Variants in INO80D observed in about 807,000 individuals in gnomAD.
INO80D encodes the protein INO80 complex subunit D.
INO80D carries 21 observed loss-of-function variants against 87.6 expected under a neutral mutation model. The observed-to-expected ratio is 0.24, with a 90% CI of 0.17 to 0.35. INO80D has a LOEUF of 0.35. Among genes scored for constraint, INO80D ranks in the 10% least tolerant of loss-of-function variants. INO80D has a pLI of 1.00. For missense variants in INO80D, 982 were observed against 1,280.7 expected (o/e 0.77, Z 3.56); for synonymous variants, 440 against 491.0 (o/e 0.90, Z 1.37).
chr2:206,076,076 T>C (rs1288007912), intron 1 of INO80D, among the ~76,000 whole-genome samples: 1 of 146,044 alleles, frequency 6.8e-6, no homozygotes, highest in Non-Finnish European at 1.5e-5. Flanking sequence ...AAACCTAGTG[T>C]GAGGCTGGGC....
At chr2:206,030,086 A>G (rs1688721125) in intron 5 of INO80D, among the ~76,000 whole-genome samples, 1 of 152,226 alleles carries the variant, frequency 6.6e-6, no homozygotes, top group South Asian at 2.1e-4. Context: ...TCGTAGAGCT[A>G]GCAAATGTGA....
chr2:206,035,160 A>G (rs1032068764), intron 5 of INO80D, among the ~76,000 whole-genome samples: 1 of 152,172 alleles, frequency 6.6e-6, no homozygotes, highest in African/African-American at 2.4e-5. Flanking sequence ...GAAAATGACC[A>G]TACTGCCAAA....
At chr2:206,009,062 C>T (rs1688100903) in intron 9 of INO80D, among the ~76,000 whole-genome samples, 2 of 152,206 alleles carry the variant, frequency 1.3e-5, no homozygotes, top group South Asian at 4.1e-4. Flanking sequence ...GTATTCCCAG[C>T]ACTTTGGGAG....
At chr2:206,033,080 C>G (rs1255480973) in intron 5 of INO80D, among the ~76,000 whole-genome samples, 1 of 152,158 alleles carries the variant, frequency 6.6e-6, no homozygotes, top group Non-Finnish European at 1.5e-5. Context: ...TATCTGCTGC[C>G]TTCAGGAGAC....
chr2:206,063,429 C>T lies in INO80D; in HGVS notation c.-123-185G>A, dbSNP rs184467052. The T allele has an allele frequency of 1.8e-3, 393 of 216,572 alleles. 5 individuals carry two copies. Among genetic ancestry groups the T allele is most frequent in the African/African-American group, 8.2e-3 (352 of 42,896 alleles). The allele number at this position is 216,572 out of a possible 1,614,324, so 13.4% of individuals were successfully genotyped here. On this transcript the variant is annotated intron_variant, in intron 1 of 10. Transcript: ENST00000403263. ...ATAAAACATTAAGTTGGCTGGGCGC[C>T]GTGGCTCACGCCTGTAATCCCAGCA...
chr2:206,058,278 G>T (rs1483068915), intron 3 of INO80D, among the ~76,000 whole-genome samples: 2 of 151,834 alleles, frequency 1.3e-5, no homozygotes, highest in Non-Finnish European at 1.5e-5. Context: ...AATTAGCCGG[G>T]CGTGGTGGCA....
At chr2:206,018,238 T>G (rs1688369966) in intron 7 of INO80D, among the ~76,000 whole-genome samples, 1 of 152,174 alleles carries the variant, frequency 6.6e-6, no homozygotes. Context: ...CCTCCCGGGT[T>G]CAAGCAAGTG....
Position 206,000,005 on chromosome 2 carries a change from G to GA in INO80D, c.*4362dup, listed in dbSNP as rs1014423604. ...TCCCGAGAAATATATTTTTTGTCAG[G>GA]AAAAAAATCCTTGGAACAATGTAAA... On this transcript the variant is annotated 3_prime_UTR_variant, in exon 11 of 11. Transcript: ENST00000403263. 5 of 151,396 alleles carry GA rather than the reference G, an allele frequency of 3.3e-5. No individual in the cohort carries two copies. The highest frequency in any genetic ancestry group is 2.1e-4 in the South Asian group (1 of 4,750). 9.4% of individuals were successfully genotyped at this position (151,396 alleles called of 1,614,324 possible).
intron 8 of INO80D, among the ~76,000 whole-genome samples, chr2:206,014,223 C>T (rs1688259154): frequency 2.0e-5 from 3 of 150,936 alleles, no homozygotes. Flanking sequence ...AATAATTATT[C>T]AACATTTGTA....
At position 206,017,781 on chromosome 2, in the gene INO80D, A is replaced by T; in HGVS notation, c.1441T>A (p.Ser481Thr). The change falls in exon 8 of 11, where the codon TCA (serine) becomes ACA (threonine). Residue 481 changes from serine (S) to threonine (T), a missense_variant. Transcript: ENST00000403263. ...ILLNHSQQLF[S>T]SCTAKFADGQ... ...TCTGCAAACTTGGCTGTGCAACTTG[A>T]GAAGAGCTGCTGAGAGTGGTTCAAG... 1 of 1,613,634 alleles carries T rather than the reference A, an allele frequency of 6.2e-7. No individual in the cohort carries two copies. Among genetic ancestry groups the T allele is most frequent in the Non-Finnish European group, 8.5e-7 (1 of 1,179,770 alleles).
chr2:206,012,440 T>C (rs1051780039), intron 8 of INO80D, among the ~76,000 whole-genome samples: 3 of 152,126 alleles, frequency 2.0e-5, no homozygotes, highest in African/African-American at 7.2e-5. Flanking sequence ...ACATACCCCC[T>C]ATGGCAGGGG....
chr2:206,064,093 C>A (rs2105892212), intron 1 of INO80D, among the ~76,000 whole-genome samples: 1 of 152,216 alleles, frequency 6.6e-6, no homozygotes, highest in South Asian at 2.1e-4. Context: ...CTTCTCAGGC[C>A]CAAAGACTAG....
intron 6 of INO80D, among the ~76,000 whole-genome samples, chr2:206,022,156 G>A (rs1335801040): frequency 2.0e-5 from 3 of 151,502 alleles, no homozygotes; most frequent in African/African-American, 7.3e-5. Flanking sequence ...ACAAGGTCAG[G>A]AGTTCGAGAC....
intron 1 of INO80D, among the ~76,000 whole-genome samples, chr2:206,071,308 T>C (rs1689965142): frequency 1.2e-5 from 1 of 85,612 alleles, no homozygotes; most frequent in Non-Finnish European, 2.2e-5. Context: ...TTTTTTTTTT[T>C]TTTTTTTTTT....
At chr2:206,026,512 C>T (rs917712444) in intron 6 of INO80D, among the ~76,000 whole-genome samples, 4 of 151,406 alleles carry the variant, frequency 2.6e-5, no homozygotes, top group Admixed American at 2.0e-4. Context: ...TGCCACTTCA[C>T]TCCAGCCTGG....
At chr2:206,077,232 C>T (rs1358548667) in intron 1 of INO80D, among the ~76,000 whole-genome samples, 1 of 151,628 alleles carries the variant, frequency 6.6e-6, no homozygotes, top group African/African-American at 2.4e-5. Flanking sequence ...CCCAGCTACT[C>T]GGGAGGCTGA....
intron 7 of INO80D, 44 bp downstream of exon 7, chr2:206,019,692 G>A: frequency 7.1e-7 from 1 of 1,413,654 alleles, no homozygotes; most frequent in Non-Finnish European, 9.9e-7. Flanking sequence ...CCCCAAATTA[G>A]GTAGTACTTT....
At position 206,007,584 on chromosome 2, in the gene INO80D, G is replaced by A. The variant is rs919226622; in HGVS notation, c.1761-143C>T. 21 of 922,344 alleles carry A rather than the reference G, an allele frequency of 2.3e-5. No homozygotes were observed. In the Middle Eastern group the frequency reaches 6.9e-4, roughly 30 times the overall value. 57.1% of individuals were successfully genotyped at this position (922,344 alleles called of 1,614,324 possible). A position where few individuals can be genotyped will look rare whatever the true frequency, so the allele number is the denominator to read the frequency against. The stretch of plus-strand genomic sequence containing the variant: ...CACCTGTAATCCCAGCACTTTGGGA[G>A]GCCAAGGTGAGAGGATCACTTGAGG... On this transcript the variant is annotated intron_variant, in intron 9 of 10. Transcript: ENST00000403263.
chr2:206,077,056 G>A (rs7558194), intron 1 of INO80D, among the ~76,000 whole-genome samples: 45,589 of 151,882 alleles, frequency 0.3, 7,473 homozygotes, highest in African/African-American at 0.44. Flanking sequence ...GGTGGATCAC[G>A]AGGTCAGGAG....
Sources: allele counts gnomAD v4.1 joint callset (sites outside exome capture counted in the v4.1 genomes callset), GRCh38; gene constraint gnomAD v4.1.1; transcripts MANE v1.5; gene names NCBI Gene and HGNC (gene_info 2026-07-23, HGNC 2026-07-21).